Variants in GRM7 observed in about 807,000 individuals in gnomAD.
GRM7 encodes the protein glutamate metabotropic receptor 7, also known as metabotropic glutamate receptor 7.
In GRM7, 35 loss-of-function variants were observed where a neutral mutation model predicts 84.5. The observed-to-expected ratio is 0.41, with a 90% CI of 0.32 to 0.55. GRM7 has a LOEUF of 0.55. GRM7 is among the 20% of genes least tolerant of loss of function. The pLI, the probability that GRM7 is intolerant of heterozygous loss-of-function variation, is 0.19. For missense variants in GRM7, 1,003 were observed against 1,194.6 expected, an observed-to-expected ratio of 0.84 and a Z score of 2.36; for synonymous variants, 487 against 455.1, an observed-to-expected ratio of 1.07 and a Z score of -0.89.
At chr3:7,123,146 T>G (rs759919517) in intron 1 of GRM7, among the ~76,000 whole-genome samples, 12 of 152,248 alleles carry the variant, frequency 7.9e-5, no homozygotes, top group Non-Finnish European at 1.6e-4. Flanking sequence ...CATTTCTTCC[T>G]TTCTCCATTA....
chr3:7,296,550 A>G lies in GRM7; in HGVS notation c.737-2134A>G, dbSNP rs541093672. ...AAGATTTTTAAACGACCAATTTGGC[A>G]TTTTTAATTTACATAAGACTATTCA... On this transcript the variant is annotated intron_variant, in intron 2 of 9. Transcript: ENST00000357716. 5.9e-5 allele frequency among the ~76,000 whole-genome samples: 9 copies of G among 152,232 alleles called. No homozygotes were observed. In the East Asian group the frequency reaches 1.7e-3, roughly 29 times the overall value.
At chr3:7,450,603 T>C (rs761854717) in intron 5 of GRM7, among the ~76,000 whole-genome samples, 2 of 152,092 alleles carry the variant, frequency 1.3e-5, no homozygotes, top group Non-Finnish European at 2.9e-5. Context: ...GAACCAAGAT[T>C]GTCCTCATGA....
intron 5 of GRM7, among the ~76,000 whole-genome samples, chr3:7,417,450 A>T (rs1262216680): frequency 6.6e-6 from 1 of 152,140 alleles, no homozygotes; most frequent in Admixed American, 6.6e-5. Flanking sequence ...AATACTATTT[A>T]AAAAATCTTT....
At chr3:7,676,058 T>C (rs761321641) in intron 8 of GRM7, among the ~76,000 whole-genome samples, 4 of 152,066 alleles carry the variant, frequency 2.6e-5, no homozygotes, top group Non-Finnish European at 4.4e-5. Flanking sequence ...CTTGGCTCAG[T>C]GCAAACTCCG....
chr3:7,165,802 A>G (rs1450105947), intron 2 of GRM7, among the ~76,000 whole-genome samples: 2 of 152,194 alleles, frequency 1.3e-5, no homozygotes, highest in African/African-American at 4.8e-5. Flanking sequence ...CAGTTGTACT[A>G]TCTGGGTTTC....
At chr3:7,694,068 T>TG (rs768942378) in intron 9 of GRM7, among the ~76,000 whole-genome samples, 15 of 152,228 alleles carry the variant, frequency 9.9e-5, no homozygotes, top group Admixed American at 1.3e-4. Flanking sequence ...GTAGCATTCA[T>TG]GGGGGGTTCT....
intron 2 of GRM7, among the ~76,000 whole-genome samples, chr3:7,187,129 G>A (rs1388998813): frequency 6.6e-6 from 1 of 151,954 alleles, no homozygotes; most frequent in Non-Finnish European, 1.5e-5. Context: ...CAATTGATTT[G>A]ATCTGAGTTT....
intron 8 of GRM7, among the ~76,000 whole-genome samples, chr3:7,651,409 T>A (rs2125114561): frequency 6.6e-6 from 1 of 152,336 alleles, no homozygotes; most frequent in Non-Finnish European, 1.5e-5. Context: ...TGCAGAGATG[T>A]GAGAATAAGA....
chr3:7,344,797 G>A (rs890943647), intron 4 of GRM7, among the ~76,000 whole-genome samples: 1 of 152,116 alleles, frequency 6.6e-6, no homozygotes, highest in African/African-American at 2.4e-5. Context: ...TAGGGAAGAG[G>A]TTGGTTAATG....
chr3:7,448,845 G>A (rs1184518174), intron 5 of GRM7, among the ~76,000 whole-genome samples: 2 of 151,830 alleles, frequency 1.3e-5, no homozygotes, highest in African/African-American at 2.4e-5. Context: ...ATTCTCTCCA[G>A]GATGATTGTC....
At chr3:7,236,492 T>A (rs1697353979) in intron 2 of GRM7, among the ~76,000 whole-genome samples, 1 of 152,216 alleles carries the variant, frequency 6.6e-6, no homozygotes, top group Non-Finnish European at 1.5e-5. Context: ...AGCTGAAGTT[T>A]TTCCCTAGTG....
chr3:7,118,689 C>T (rs976940387), intron 1 of GRM7, among the ~76,000 whole-genome samples: 6 of 151,926 alleles, frequency 3.9e-5, no homozygotes, highest in African/African-American at 1.4e-4. Flanking sequence ...AAAAATCACC[C>T]CTTTTCACAT....
At chr3:7,227,945 T>G (rs1697036526) in intron 2 of GRM7, among the ~76,000 whole-genome samples, 1 of 152,226 alleles carries the variant, frequency 6.6e-6, no homozygotes, top group South Asian at 2.1e-4. Context: ...TTAGGTCTCT[T>G]CCATTGTCAT....
chr3:6,988,617 C>T (rs1199241168), intron 1 of GRM7, among the ~76,000 whole-genome samples: 2 of 152,120 alleles, frequency 1.3e-5, no homozygotes, highest in Admixed American at 1.3e-4. Flanking sequence ...TGTTTTCCCC[C>T]TATTAAAATT....
At chr3:7,329,427 A>T (rs1701112210) in intron 4 of GRM7, among the ~76,000 whole-genome samples, 1 of 152,182 alleles carries the variant, frequency 6.6e-6, no homozygotes, top group Non-Finnish European at 1.5e-5. Flanking sequence ...CCGGTAATTG[A>T]GAAGTTGCAG....
At chr3:7,614,775 T>C (rs1334551213) in intron 8 of GRM7, among the ~76,000 whole-genome samples, 3 of 152,214 alleles carry the variant, frequency 2.0e-5, no homozygotes, top group Non-Finnish European at 4.4e-5. Context: ...AATTTTCTGA[T>C]AATGCTAGTA....
intron 1 of GRM7, among the ~76,000 whole-genome samples, chr3:6,961,417 C>G (rs1693292009): frequency 1.3e-5 from 2 of 152,128 alleles, no homozygotes; most frequent in African/African-American, 4.8e-5. Context: ...GGCAAACCCT[C>G]TCATAACTCT....
intron 1 of GRM7, among the ~76,000 whole-genome samples, chr3:7,101,220 A>G (rs998512243): frequency 6.6e-6 from 1 of 151,776 alleles, no homozygotes; most frequent in Non-Finnish European, 1.5e-5. Context: ...ATTCCCGCAG[A>G]CAATCCGTGA....
At chr3:7,008,654 A>G (rs1339206245) in intron 1 of GRM7, among the ~76,000 whole-genome samples, 1 of 152,216 alleles carries the variant, frequency 6.6e-6, no homozygotes, top group East Asian at 1.9e-4. Flanking sequence ...TCTCTCTCAA[A>G]TTCAAGTTTA....
Sources: gnomAD v4.1 joint callset for allele counts (sites outside exome capture counted in the v4.1 genomes callset) on GRCh38, gnomAD v4.1.1 for gene constraint, MANE v1.5 for transcripts, NCBI Gene and HGNC (gene_info 2026-07-23, HGNC 2026-07-21) for gene names.